Variants in ADAMTSL1 observed in about 807,000 individuals in gnomAD.
ADAMTSL1 encodes the protein ADAMTS-like protein 1.
ADAMTSL1 carries 126 observed loss-of-function variants against 201.8 expected under a neutral mutation model. The ratio of observed to expected loss-of-function variants is 0.62; its 90% CI spans 0.54 to 0.72. ADAMTSL1 has a LOEUF of 0.72. Among genes scored for constraint, ADAMTSL1 ranks in the 30% least tolerant of loss-of-function variants. The pLI, the probability that ADAMTSL1 is intolerant of heterozygous loss-of-function variation, is 0.00. For missense variants in ADAMTSL1, 2,679 were observed against 2,277.8 expected (o/e 1.18, Z -3.59); for synonymous variants, 1,121 against 903.4 (o/e 1.24, Z -4.32).
intron 1 of ADAMTSL1, among the ~76,000 whole-genome samples, chr9:18,039,621 C>T (rs1028062181): frequency 6.6e-6 from 1 of 152,020 alleles, no homozygotes; most frequent in Admixed American, 6.6e-5. Flanking sequence ...GTTTCCAAGC[C>T]TATTACTGGT....
chr9:18,172,575 G>A (rs1827948176), intron 2 of ADAMTSL1, among the ~76,000 whole-genome samples: 1 of 152,058 alleles, frequency 6.6e-6, no homozygotes. Context: ...CAACTTGGCA[G>A]TGTCTATAAG....
At chr9:18,563,431 A>G (rs140340510) in intron 3 of ADAMTSL1, among the ~76,000 whole-genome samples, 239 of 152,200 alleles carry the variant, frequency 1.6e-3, no homozygotes, top group African/African-American at 5.2e-3. Context: ...GAGCTCTCCT[A>G]TATGAGGTGT....
At chr9:18,010,454 C>A (rs971524487) in intron 1 of ADAMTSL1, among the ~76,000 whole-genome samples, 2 of 152,002 alleles carry the variant, frequency 1.3e-5, no homozygotes, top group African/African-American at 4.8e-5. Flanking sequence ...AACAAATAGT[C>A]TAATTCTGTA....
chr9:17,969,154 C>T (rs1227478435), intron 1 of ADAMTSL1, among the ~76,000 whole-genome samples: 1 of 151,988 alleles, frequency 6.6e-6, no homozygotes, highest in Non-Finnish European at 1.5e-5. Flanking sequence ...ACACTAACTG[C>T]ATAAAAATCA....
chr9:18,776,969 G>A lies in ADAMTSL1; in HGVS notation c.2740G>A (p.Asp914Asn), dbSNP rs1431878044. Residue 914 changes from aspartate to asparagine, a missense_variant, in exon 19 of 29, where the codon GAC becomes AAC. Transcript: ENST00000380548. The stretch of plus-strand genomic sequence containing the variant: ...CAAGCCCCTCATCACCTGGGAGAAG[G>A]ACGGCCAGCACCTCATCAGCTCGAC... ...VRKPLITWEK[D>N]GQHLISSTHV... The A allele has an allele frequency of 2.5e-6, 4 of 1,598,226 alleles. No homozygotes were observed. The highest frequency in any genetic ancestry group is 2.6e-6 in the Non-Finnish European group (3 of 1,170,914).
chr9:18,737,917 G>T (rs776136738), intron 15 of ADAMTSL1, among the ~76,000 whole-genome samples: 5 of 152,102 alleles, frequency 3.3e-5, no homozygotes, highest in Non-Finnish European at 5.9e-5. Flanking sequence ...TTCAAATCCT[G>T]GCTCCACCAC....
chr9:18,086,280 T>A (rs748149368), intron 1 of ADAMTSL1, among the ~76,000 whole-genome samples: 1 of 151,936 alleles, frequency 6.6e-6, no homozygotes, highest in Non-Finnish European at 1.5e-5. Flanking sequence ...GACCACCAAA[T>A]AGAGGAGGAA....
intron 4 of ADAMTSL1, among the ~76,000 whole-genome samples, chr9:18,608,347 T>C (rs1246936150): frequency 6.6e-6 from 1 of 152,228 alleles, no homozygotes; most frequent in Admixed American, 6.5e-5. Context: ...TCTAATTAGA[T>C]ATATGCTGTG....
intron 2 of ADAMTSL1, among the ~76,000 whole-genome samples, chr9:18,228,737 G>A (rs1483049793): frequency 6.6e-6 from 1 of 152,034 alleles, no homozygotes; most frequent in African/African-American, 2.4e-5. Context: ...CTAATGCCTT[G>A]CTCTCACAGG....
chr9:18,609,969 G>A (rs1322543324), intron 4 of ADAMTSL1, among the ~76,000 whole-genome samples: 2 of 152,158 alleles, frequency 1.3e-5, no homozygotes, highest in Non-Finnish European at 2.9e-5. Flanking sequence ...TCACATCCAG[G>A]TTGAGTTGTT....
intron 13 of ADAMTSL1, among the ~76,000 whole-genome samples, chr9:18,700,234 T>C (rs1476767186): frequency 2.0e-5 from 3 of 152,196 alleles, no homozygotes; most frequent in Admixed American, 2.0e-4. Flanking sequence ...CCTAAAGTGA[T>C]TCAATTGAAG....
At chr9:18,726,140 G>C (rs1817878764) in intron 15 of ADAMTSL1, among the ~76,000 whole-genome samples, 1 of 152,124 alleles carries the variant, frequency 6.6e-6, no homozygotes, top group Non-Finnish European at 1.5e-5. Flanking sequence ...TAGTTTAAAA[G>C]AAAACGTGAT....
intron 18 of ADAMTSL1, 72 bp from the exon 19 acceptor site, chr9:18,776,709 G>A: frequency 1.4e-6 from 2 of 1,445,480 alleles, no homozygotes; most frequent in Non-Finnish European, 1.8e-6. Context: ...CCTCTCTCCT[G>A]GCTGCATCTC....
chr9:17,997,068 AG>A (rs1819411823), intron 1 of ADAMTSL1, among the ~76,000 whole-genome samples: 1 of 152,144 alleles, frequency 6.6e-6, no homozygotes, highest in African/African-American at 2.4e-5. Flanking sequence ...GAGCAGTCTC[AG>A]GGCAGTTCTG....
chr9:18,214,014 G>A (rs1456413276), intron 2 of ADAMTSL1, among the ~76,000 whole-genome samples: 2 of 152,146 alleles, frequency 1.3e-5, no homozygotes, highest in Non-Finnish European at 2.9e-5. Context: ...TGGGATTACA[G>A]GCATGAGCCA....
chr9:18,035,609 C>G (rs1385657203), intron 1 of ADAMTSL1, among the ~76,000 whole-genome samples: 1 of 152,096 alleles, frequency 6.6e-6, no homozygotes, highest in African/African-American at 2.4e-5. Context: ...AAAATTGCAA[C>G]CTATTTTCCC....
chr9:18,090,019 T>C (rs1823939459), intron 1 of ADAMTSL1, among the ~76,000 whole-genome samples: 1 of 152,228 alleles, frequency 6.6e-6, no homozygotes, highest in Non-Finnish European at 1.5e-5. Context: ...TGTTTTAGCA[T>C]TTGTTAGCAC....
chr9:18,241,259 A>C (rs936847202), intron 2 of ADAMTSL1, among the ~76,000 whole-genome samples: 4 of 152,298 alleles, frequency 2.6e-5, no homozygotes, highest in Middle Eastern at 3.4e-3. Context: ...TCACTTGAAC[A>C]CTTAGAAGCC....
At chr9:18,801,423 A>G (rs1319202548) in intron 20 of ADAMTSL1, among the ~76,000 whole-genome samples, 1 of 152,128 alleles carries the variant, frequency 6.6e-6, no homozygotes, top group Non-Finnish European at 1.5e-5. Context: ...CAGGTTTTTT[A>G]TACAGGTAAA....
Sources: allele counts gnomAD v4.1 joint callset (sites outside exome capture counted in the v4.1 genomes callset), GRCh38; gene constraint gnomAD v4.1.1; transcripts MANE v1.5; gene names NCBI Gene and HGNC (gene_info 2026-07-23, HGNC 2026-07-21).